Variants in RALGPS1 observed in about 807,000 individuals in gnomAD.
RALGPS1 encodes the protein ras-specific guanine nucleotide-releasing factor RalGPS1.
RALGPS1 carries 19 observed loss-of-function variants against 78.8 expected under a neutral mutation model. The ratio of observed to expected loss-of-function variants is 0.24; its 90% CI spans 0.17 to 0.35. RALGPS1 has a LOEUF of 0.35. Ranked by LOEUF, RALGPS1 falls within the 10% of genes least tolerant of loss-of-function variation. The pLI is 1.00. For missense variants in RALGPS1, 454 were observed against 688.3 expected, an observed-to-expected ratio of 0.66 and a Z score of 3.81; for synonymous variants, 228 against 256.3, an observed-to-expected ratio of 0.89 and a Z score of 1.06.
chr9:127,004,669 T>C (rs957895306), intron 4 of RALGPS1, among the ~76,000 whole-genome samples: 3 of 152,234 alleles, frequency 2.0e-5, no homozygotes, highest in African/African-American at 7.2e-5. Context: ...CTTTTTGTGT[T>C]TATTTGATCT....
At chr9:126,926,546 G>A (rs1465983975) in intron 1 of RALGPS1, among the ~76,000 whole-genome samples, 3 of 152,176 alleles carry the variant, frequency 2.0e-5, no homozygotes, top group South Asian at 2.1e-4. Context: ...GATGGAGGGA[G>A]GAGGATCTGG....
intron 8 of RALGPS1, among the ~76,000 whole-genome samples, chr9:127,079,252 A>G (rs1184806532): frequency 6.6e-6 from 1 of 152,200 alleles, no homozygotes; most frequent in Non-Finnish European, 1.5e-5. Context: ...CTGGTCTTCT[A>G]CTGACGCATT....
At chr9:126,931,331 G>A (rs2035770698) in intron 1 of RALGPS1, among the ~76,000 whole-genome samples, 1 of 152,102 alleles carries the variant, frequency 6.6e-6, no homozygotes, top group South Asian at 2.1e-4. Context: ...CAGCCTCATA[G>A]CAACATTATT....
At chr9:127,108,194 C>T (rs755618795) in intron 8 of RALGPS1, 2 of 1,614,098 alleles carry the variant, frequency 1.2e-6, no homozygotes, top group South Asian at 2.2e-5. Context: ...TACTTGTGCT[C>T]CAGGTCCTTG....
Position 127,222,510 on chromosome 9 carries a change from A to G in RALGPS1, c.*3741A>G, listed in dbSNP as rs2062798598. Reference sequence around the variant, plus strand: ...TAAATACAACTACAATATGAGCGAGAACTGCATTTTCTTGGGTGTTGAGAA... The same window carrying G: ...TAAATACAACTACAATATGAGCGAGGACTGCATTTTCTTGGGTGTTGAGAA... On this transcript the variant is annotated 3_prime_UTR_variant, in exon 19 of 19. Transcript: ENST00000259351. The G allele has an allele frequency of 6.6e-6, 1 of 152,262 alleles. No homozygotes were observed. Among genetic ancestry groups the G allele is most frequent in the South Asian group, 2.1e-4 (1 of 4,828 alleles). The allele number at this position is 152,262 out of a possible 1,614,324, so 9.4% of individuals were successfully genotyped here.
At chr9:127,018,097 TC>T (rs1294076899) in intron 4 of RALGPS1, among the ~76,000 whole-genome samples, 1 of 151,974 alleles carries the variant, frequency 6.6e-6, no homozygotes, top group Admixed American at 6.5e-5. Context: ...GCACCTGTAA[TC>T]CCAGCTACTC....
chr9:126,945,683 T>G (rs1177425672), intron 1 of RALGPS1, among the ~76,000 whole-genome samples: 1 of 152,200 alleles, frequency 6.6e-6, no homozygotes, highest in Admixed American at 6.5e-5. Context: ...GCATCGGGCC[T>G]TCCCTGACAC....
intron 4 of RALGPS1, among the ~76,000 whole-genome samples, chr9:126,996,289 G>C (rs936631598): frequency 6.6e-6 from 1 of 152,028 alleles, no homozygotes; most frequent in African/African-American, 2.4e-5. Context: ...CTGCTAGCAA[G>C]ACTAATAAAG....
chr9:127,196,638 G>A lies in RALGPS1; in HGVS notation c.1195+7G>A, dbSNP rs752984999. ...ACCAATGGACTCTCCCTAGGTAAGC[G>A]TCTCCGGCCTGCACATGATAGGCTG... On this transcript the variant is annotated splice_region_variant and intron_variant, in intron 13 of 18. Transcript: ENST00000259351. 8.9e-6 allele frequency: 14 copies of A among 1,581,836 alleles called. No homozygotes were observed. Among genetic ancestry groups the A allele is most frequent in the South Asian group, 1.1e-5 (1 of 87,508 alleles).
At chr9:127,043,278 C>T (rs143604202) in intron 5 of RALGPS1, among the ~76,000 whole-genome samples, 4 of 151,846 alleles carry the variant, frequency 2.6e-5, no homozygotes, top group Non-Finnish European at 4.4e-5. Flanking sequence ...CCCCATAGGT[C>T]GATGGAGCTG....
At chr9:127,121,631 C>T (rs1385353126) in intron 8 of RALGPS1, among the ~76,000 whole-genome samples, 2 of 152,206 alleles carry the variant, frequency 1.3e-5, no homozygotes, top group African/African-American at 4.8e-5. Context: ...TGTGGAGCCC[C>T]TGCTGTCCCC....
intron 5 of RALGPS1, among the ~76,000 whole-genome samples, chr9:127,046,314 A>G (rs2047770576): frequency 6.6e-6 from 1 of 152,214 alleles, no homozygotes; most frequent in Non-Finnish European, 1.5e-5. Flanking sequence ...ACTTCCTTGC[A>G]GAGTTTGAAG....
chr9:127,177,128 C>T (rs1390562095), intron 11 of RALGPS1, among the ~76,000 whole-genome samples: 2 of 151,546 alleles, frequency 1.3e-5, no homozygotes, highest in African/African-American at 4.8e-5. Flanking sequence ...GGCATTATGC[C>T]TGCCCTTTGT....
At chr9:127,179,556 C>A (rs1450614069) in intron 11 of RALGPS1, among the ~76,000 whole-genome samples, 2 of 152,240 alleles carry the variant, frequency 1.3e-5, no homozygotes, top group African/African-American at 2.4e-5. Flanking sequence ...ACATCCCCCA[C>A]ACCTGCAAAG....
At chr9:127,206,052 A>G (rs2061914268) in intron 14 of RALGPS1, among the ~76,000 whole-genome samples, 1 of 152,264 alleles carries the variant, frequency 6.6e-6, no homozygotes, top group Non-Finnish European at 1.5e-5. Flanking sequence ...AGGGCCCAGC[A>G]GAATTCAGGG....
At chr9:126,997,446 A>G (rs1313774993) in intron 4 of RALGPS1, among the ~76,000 whole-genome samples, 1 of 152,110 alleles carries the variant, frequency 6.6e-6, no homozygotes, top group Non-Finnish European at 1.5e-5. Flanking sequence ...AAAATACCTA[A>G]GAATCCAACT....
In RALGPS1 at chr9:127,096,905, G is replaced by A. The variant is rs7863643; in HGVS notation, c.610+27549G>A. Among the ~76,000 whole-genome samples, 1,452 of 152,312 alleles carry A rather than the reference G, an allele frequency of 9.5e-3. 26 individuals are homozygous for A. The highest frequency in any genetic ancestry group is 0.033 in the African/African-American group (1,384 of 41,566). The stretch of plus-strand genomic sequence containing the variant: ...GGTGACCCTCCTGACACTCCTGTGA[G>A]GTAGGAAAGCAGACCCTGTGGTCAT... On this transcript the variant is annotated intron_variant, in intron 8 of 18. Coordinates refer to ENST00000259351, the MANE Select transcript of RALGPS1 (RefSeq NM_014636.3).
chr9:126,938,608 T>C (rs1020846776), intron 1 of RALGPS1, among the ~76,000 whole-genome samples: 1 of 152,242 alleles, frequency 6.6e-6, no homozygotes, highest in Non-Finnish European at 1.5e-5. Flanking sequence ...TGATGGCTTC[T>C]TATTTGTACA....
intron 4 of RALGPS1, among the ~76,000 whole-genome samples, chr9:127,013,207 C>T (rs2044514917): frequency 6.6e-6 from 1 of 152,160 alleles, no homozygotes. Flanking sequence ...TGATCTAAAG[C>T]AAAGGTGAGG....
Sources: gnomAD v4.1 joint callset for allele counts (sites outside exome capture counted in the v4.1 genomes callset) on GRCh38, gnomAD v4.1.1 for gene constraint, MANE v1.5 for transcripts, NCBI Gene and HGNC (gene_info 2026-07-23, HGNC 2026-07-21) for gene names.